Variants in WFDC9 observed in about 807,000 individuals in gnomAD.
WFDC9 encodes WAP four-disulfide core domain 9.
Under a neutral mutation model 9.5 loss-of-function variants are expected in WFDC9, and 9 were observed. The observed-to-expected ratio is 0.95, with a 90% confidence interval of 0.57 to 1.65. WFDC9 has a LOEUF of 1.65. Ranked by LOEUF, WFDC9 falls within the 40% of genes most tolerant of loss-of-function variation. WFDC9 has a pLI of 0.00. For missense variants in WFDC9, 87 were observed against 106.7 expected (o/e 0.82, Z 0.81); for synonymous variants, 33 against 32.3 (o/e 1.02, Z -0.07).
chr20:45,615,351 A>G (rs1421244984), intron 1 of WFDC9, among the ~76,000 whole-genome samples: 2 of 152,196 alleles, frequency 1.3e-5, no homozygotes, highest in African/African-American at 4.8e-5. Context: ...TCACTAGCTC[A>G]TGAGAAAAGA....
chr20:45,630,838 G>T, intron 1 of WFDC9: 1 of 1,553,510 alleles, frequency 6.4e-7, no homozygotes, highest in Non-Finnish European at 8.7e-7. Flanking sequence ...CTAGGAAACT[G>T]CGTTTATTTA....
rs187384640 is a variant in WFDC9, at chr20:45,609,957, C to A, written c.91+134G>T. On this transcript the variant is annotated intron_variant, in intron 3 of 4. Transcript: ENST00000326000. ...ACTTAAAGGAATTGGGAATATCTAA[C>A]CTAATCTTGCTTGAATATCTCTACT... 318 of 655,582 alleles carry A rather than the reference C, an allele frequency of 4.9e-4. 3 individuals carry two copies. The Admixed American group carries it at 7.8e-3, about 16-fold the overall frequency. 40.6% of individuals were successfully genotyped at this position (655,582 alleles called of 1,614,324 possible). A position where few individuals can be genotyped will look rare whatever the true frequency, so the allele number is the denominator to read the frequency against.
At chr20:45,630,783 G>T in intron 1 of WFDC9, 1 of 1,396,406 alleles carries the variant, frequency 7.2e-7, no homozygotes, top group South Asian at 1.6e-5. Context: ...CTGAGACCTG[G>T]GTTCAAGGGT....
chr20:45,627,776 G>C (rs1440519381), intron 1 of WFDC9, among the ~76,000 whole-genome samples: 2 of 152,088 alleles, frequency 1.3e-5, no homozygotes, highest in Non-Finnish European at 2.9e-5. Context: ...GTTCAGTTTT[G>C]AGTAATTGTC....
At chr20:45,629,627 A>G in intron 1 of WFDC9, 2 of 564,724 alleles carry the variant, frequency 3.5e-6, no homozygotes, top group South Asian at 3.7e-5. Context: ...ATCCCACATG[A>G]CGAACGACAA....
At chr20:45,608,473 G>A (rs544742443) in intron 4 of WFDC9, among the ~76,000 whole-genome samples, 190 bp downstream of exon 4, 2 of 152,336 alleles carry the variant, frequency 1.3e-5, no homozygotes, top group South Asian at 2.1e-4. Context: ...GAAAAAAGTA[G>A]AGGACCTCAT....
In WFDC9 at chr20:45,608,797, T is replaced by C. The variant is rs1237111307; in HGVS notation, c.105A>G (p.Ile35Met). The C allele has an allele frequency of 4.3e-6, 7 of 1,612,186 alleles. No homozygotes were observed. The highest frequency in any genetic ancestry group is 5.1e-6 in the Non-Finnish European group (6 of 1,179,186). Reference sequence around the variant, plus strand: ...GTACCCAGCACTGCTCAGTTTCTCTTATCATATCTAGAACTGAGATGGAAG... The same window carrying C: ...GTACCCAGCACTGCTCAGTTTCTCTCATCATATCTAGAACTGAGATGGAAG... ...FWNKDPFLDM[I>M]RETEQCWVQP... Residue 35 changes from isoleucine (I) to methionine (M), a missense_variant, in exon 4 of 5, where the codon ATA becomes ATG. Transcript: ENST00000326000.
At chr20:45,630,357 T>G (rs1293945961) in intron 1 of WFDC9, among the ~76,000 whole-genome samples, 1 of 151,084 alleles carries the variant, frequency 6.6e-6, no homozygotes, top group Non-Finnish European at 1.5e-5. Context: ...CAAGTTAAGG[T>G]TATCATCAAA....
At chr20:45,613,772 G>T (rs1161742343) in intron 2 of WFDC9, among the ~76,000 whole-genome samples, 1 of 152,144 alleles carries the variant, frequency 6.6e-6, no homozygotes, top group Non-Finnish European at 1.5e-5. Flanking sequence ...CATTCCTTGA[G>T]CCTGAGTCCT....
chr20:45,617,858 A>G (rs1982007501), intron 1 of WFDC9, among the ~76,000 whole-genome samples: 1 of 152,190 alleles, frequency 6.6e-6, no homozygotes. Flanking sequence ...TTTGTATGCT[A>G]TATGTATTTT....
intron 1 of WFDC9, among the ~76,000 whole-genome samples, chr20:45,630,497 A>C (rs1049650294): frequency 3.9e-5 from 6 of 152,172 alleles, no homozygotes; most frequent in Non-Finnish European, 5.9e-5. Context: ...TACTATTCAG[A>C]GACTAGGAGA....
At chr20:45,631,119 ACAT>A in intron 1 of WFDC9, 81 bp downstream of exon 1, 1 of 1,363,330 alleles carries the variant, frequency 7.3e-7, no homozygotes. Flanking sequence ...CAGCATAAGA[ACAT>A]CAACAGGAAT....
chr20:45,608,653 A>AC lies in WFDC9; in HGVS notation c.239+9dup, dbSNP rs1981781365. The AC allele has an allele frequency of 1.2e-6, 2 of 1,609,284 alleles. No individual in the cohort carries two copies. Among genetic ancestry groups the AC allele is most frequent in the Admixed American group, 3.3e-5 (2 of 59,768 alleles). ...CCCAGGCCCTAGCCTTCCCACCCCA[A>AC]CCAACTCACTCGTTGTCTAAGCAGA... is the stretch of plus-strand genomic sequence containing the variant. On this transcript the variant is annotated intron_variant, in intron 4 of 4. Transcript: ENST00000326000.
At chr20:45,626,306 G>A (rs1982218346) in intron 1 of WFDC9, among the ~76,000 whole-genome samples, 1 of 152,090 alleles carries the variant, frequency 6.6e-6, no homozygotes, top group Admixed American at 6.6e-5. Flanking sequence ...CATATTTTAG[G>A]ATTTATTTTA....
intron 1 of WFDC9, among the ~76,000 whole-genome samples, chr20:45,624,171 G>T (rs1235617975): frequency 6.6e-6 from 1 of 152,074 alleles, no homozygotes; most frequent in Non-Finnish European, 1.5e-5. Context: ...CAGCCTAGGC[G>T]ACAGAGCAAG....
intron 1 of WFDC9, among the ~76,000 whole-genome samples, chr20:45,618,727 A>G (rs1333687194): frequency 1.3e-5 from 2 of 152,204 alleles, no homozygotes; most frequent in Non-Finnish European, 2.9e-5. Flanking sequence ...AATAGTAACA[A>G]CAAAAATCAT....
intron 1 of WFDC9, among the ~76,000 whole-genome samples, chr20:45,624,055 G>C (rs1982162945): frequency 6.6e-6 from 1 of 152,100 alleles, no homozygotes; most frequent in Non-Finnish European, 1.5e-5. Flanking sequence ...AGCCAGGCAT[G>C]GTGGCACGTG....
intron 1 of WFDC9, among the ~76,000 whole-genome samples, chr20:45,619,766 T>C (rs1213776827): frequency 2.0e-5 from 3 of 152,224 alleles, no homozygotes; most frequent in African/African-American, 7.2e-5. Context: ...GGCTCATGCC[T>C]GTAATCCCAG....
chr20:45,629,719 A>ATTCCTTCT (rs1982308564), intron 1 of WFDC9: 1 of 1,462,266 alleles, frequency 6.8e-7, no homozygotes, highest in African/African-American at 1.4e-5. Context: ...GCTAAAGATC[A>ATTCCTTCT]TTCCTTCTTT....
Sources: gnomAD v4.1 joint callset for allele counts (sites outside exome capture counted in the v4.1 genomes callset) on GRCh38, gnomAD v4.1.1 for gene constraint, MANE v1.5 for transcripts, NCBI Gene and HGNC (gene_info 2026-07-23, HGNC 2026-07-21) for gene names.